Variants in TDO2 observed in about 807,000 individuals in gnomAD.
The protein encoded by TDO2 is tryptamin 2,3-dioxygenase.
In TDO2, 63 loss-of-function variants were observed where a neutral mutation model predicts 61.2. The observed-to-expected ratio is 1.03, with a 90% confidence interval of 0.84 to 1.27. TDO2 has a LOEUF of 1.27. TDO2 is among the 50% of genes most tolerant of loss of function. The probability of loss-of-function intolerance (pLI) is 0.00; values close to 1 mark genes in which losing one functional copy is unlikely to be tolerated. For synonymous variants in TDO2, 183 were observed against 164.0 expected (o/e 1.12, Z -0.89); for missense variants, 494 against 469.5 (o/e 1.05, Z -0.48).
intron 8 of TDO2, among the ~76,000 whole-genome samples, chr4:155,915,006 C>G (rs116140924): frequency 0.012 from 1,773 of 152,236 alleles, 14 homozygotes; most frequent in Non-Finnish European, 0.018. Context: ...TTCTCTCTTC[C>G]TCCCTCCTTT....
intron 9 of TDO2, 56 bp downstream of exon 9, chr4:155,915,968 C>T (rs946705510): frequency 1.6e-5 from 23 of 1,449,298 alleles, no homozygotes; most frequent in Non-Finnish European, 2.1e-5. Flanking sequence ...ATATGGATAA[C>T]ATGTCCAGTA....
rs116105292 is a variant in TDO2, at chr4:155,911,563, A to G, written c.685A>G (p.Asn229Asp). The change falls in exon 7 of 12, where the codon AAT becomes GAT. Residue 229 changes from asparagine (N) to aspartate (D), a missense_variant. Asn to Asp is a conservative substitution (Grantham distance 23). Transcript: ENST00000536354. ...GFNFWGKLEK[N>D]ITRGLEEEFI... Reference sequence around the variant, plus strand: ...TAACTTCTGGGGAAAGCTTGAAAAAAATATCACCAGAGGCCTGGAAGAGGA... The same window carrying G: ...TAACTTCTGGGGAAAGCTTGAAAAAGATATCACCAGAGGCCTGGAAGAGGA... The G allele has an allele frequency of 6.2e-7, 1 of 1,600,666 alleles. No homozygotes were observed. The highest frequency in any genetic ancestry group is 1.7e-5 in the Admixed American group (1 of 58,426).
In TDO2 at chr4:155,911,605, G is replaced by A; in HGVS notation, c.726+1G>A. ...GGAAGAGGAATTCATAAGGATTCAG[G>A]TATTTAGATGACATGAGTTAATATA... On this transcript the variant is annotated splice_donor_variant, in intron 7 of 11. Transcript: ENST00000536354. LOFTEE classifies it high-confidence loss of function. 1.3e-6 allele frequency: 2 copies of A among 1,504,144 alleles called. No homozygotes were observed. Among genetic ancestry groups the A allele is most frequent in the Non-Finnish European group, 1.8e-6 (2 of 1,112,482 alleles). 93.2% of individuals were successfully genotyped at this position (1,504,144 alleles called of 1,614,324 possible).
At position 155,905,127 on chromosome 4, in the gene TDO2, G is replaced by A; in HGVS notation, c.202G>A (p.Asp68Asn). Residue 68 changes from aspartate to asparagine, a missense_variant, in exon 3 of 12, where the codon GAT (aspartate) becomes AAT (asparagine). By Grantham distance (23) the Asp-to-Asn change is conservative. Coordinates refer to ENST00000536354, the MANE Select transcript of TDO2 (RefSeq NM_005651.4). ...QSETKGNKIH[D>N]EHLFIITHQA... ...TGAAACAAAAGGAAATAAAATCCATGATGAACATCTTTTTATCATAACTCA... is the reference window on the plus strand; with the variant it reads ...TGAAACAAAAGGAAATAAAATCCATAATGAACATCTTTTTATCATAACTCA... The A allele has an allele frequency of 6.2e-7, 1 of 1,600,884 alleles. No individual in the cohort carries two copies. The highest frequency in any genetic ancestry group is 2.3e-5 in the East Asian group (1 of 44,146).
chr4:155,915,270 CAT>C (rs1742910274), intron 8 of TDO2, among the ~76,000 whole-genome samples: 1 of 152,064 alleles, frequency 6.6e-6, no homozygotes, highest in African/African-American at 2.4e-5. Flanking sequence ...AAGTACGAAA[CAT>C]AGCAATACGT....
intron 9 of TDO2, 132 bp from the exon 10 acceptor site, chr4:155,917,263 A>G (rs1334583657): frequency 3.1e-6 from 2 of 644,520 alleles, no homozygotes; most frequent in Admixed American, 3.3e-5. Context: ...AGAATAAGCC[A>G]AAGCTGCCAC....
intron 9 of TDO2, 107 bp downstream of exon 9, chr4:155,916,019 T>C: frequency 3.2e-6 from 3 of 929,646 alleles, no homozygotes; most frequent in African/African-American, 1.7e-5. Context: ...TGCAGTAATT[T>C]AGTTTTTGTA....
At chr4:155,904,251 T>G in intron 2 of TDO2, 128 bp downstream of exon 2, 1 of 659,916 alleles carries the variant, frequency 1.5e-6, no homozygotes, top group South Asian at 2.1e-5. Context: ...CCTAAGGATA[T>G]TTTTATTCAT....
chr4:155,915,995 C>A, intron 9 of TDO2, 83 bp downstream of exon 9: 2 of 1,199,138 alleles, frequency 1.7e-6, no homozygotes, highest in Non-Finnish European at 2.4e-6. Flanking sequence ...CTAAAAATTA[C>A]AATCATAGTT....
chr4:155,919,560 G>T (rs1743005875), intron 11 of TDO2, among the ~76,000 whole-genome samples: 1 of 152,072 alleles, frequency 6.6e-6, no homozygotes, highest in African/African-American at 2.4e-5. Flanking sequence ...TTATGAAGGT[G>T]TCAGCAATAA....
At position 155,907,776 on chromosome 4, in the gene TDO2, T is replaced by A. The variant is rs759523211; in HGVS notation, c.287T>A (p.Ile96Asn). 3.1e-6 allele frequency: 5 copies of A among 1,613,134 alleles called. No homozygotes were observed. Among genetic ancestry groups the A allele is most frequent in the Admixed American group, 1.7e-5 (1 of 59,916 alleles). The stretch of plus-strand genomic sequence containing the variant: ...TGGGAGTTGGATTCTGTTCGAGAGA[T>A]CTTTCAGAATGGCCATGTAAGTTCT... The part of the protein sequence containing the change: ...ILWELDSVRE[I>N]FQNGHVRDER... The change falls in exon 4 of 12, where the codon ATC (isoleucine) becomes AAC (asparagine). Residue 96 changes from isoleucine to asparagine, a missense_variant. Ile to Asn is a moderately radical substitution (Grantham distance 149). Transcript: ENST00000536354.
At chr4:155,909,241 A>T (rs767592963) in intron 5 of TDO2, among the ~76,000 whole-genome samples, 1 of 152,208 alleles carries the variant, frequency 6.6e-6, no homozygotes, top group Non-Finnish European at 1.5e-5. Flanking sequence ...ATTTAAATTC[A>T]TCACTGTGTG....
intron 9 of TDO2, among the ~76,000 whole-genome samples, chr4:155,916,291 C>T (rs896842536): frequency 2.0e-5 from 3 of 146,568 alleles, no homozygotes; most frequent in Non-Finnish European, 4.5e-5. Flanking sequence ...CCTCAGCCTC[C>T]CGAGTAGCTG....
chr4:155,910,239 T>G, intron 6 of TDO2, 28 bp downstream of exon 6: 1 of 1,504,816 alleles, frequency 6.6e-7, no homozygotes, highest in Non-Finnish European at 8.9e-7. Flanking sequence ...TTATAAAGTT[T>G]AACTCAATAC....
At chr4:155,904,260 A>G in intron 2 of TDO2, 137 bp downstream of exon 2, 1 of 644,774 alleles carries the variant, frequency 1.6e-6, no homozygotes. Context: ...ATTTTTATTC[A>G]TAAACACTTT....
At chr4:155,911,437 T>C (rs2110874369) in intron 6 of TDO2, 60 bp from the exon 7 acceptor site, 1 of 1,303,570 alleles carries the variant, frequency 7.7e-7, no homozygotes, top group Non-Finnish European at 1.1e-6. Flanking sequence ...TACATGTCGG[T>C]TACAATGCAT....
chr4:155,907,503 A>C (rs1742739157), intron 3 of TDO2: 1 of 484,690 alleles, frequency 2.1e-6, no homozygotes, highest in Admixed American at 3.8e-5. Flanking sequence ...ATGAAGCATT[A>C]GGTAACATGT....
intron 5 of TDO2, 21 bp downstream of exon 5, chr4:155,909,035 A>T: frequency 6.3e-7 from 1 of 1,576,598 alleles, no homozygotes; most frequent in South Asian, 1.2e-5. Context: ...TTGGCATTTT[A>T]AAAAATGTGA....
intron 7 of TDO2, among the ~76,000 whole-genome samples, chr4:155,913,416 A>G (rs916689013): frequency 6.6e-6 from 1 of 152,048 alleles, no homozygotes; most frequent in Admixed American, 6.6e-5. Flanking sequence ...TTCTTCCCCA[A>G]CTAACTCCTT....
Sources: gnomAD v4.1 joint callset for allele counts (sites outside exome capture counted in the v4.1 genomes callset) on GRCh38, gnomAD v4.1.1 for gene constraint, MANE v1.5 for transcripts, NCBI Gene and HGNC (gene_info 2026-07-23, HGNC 2026-07-21) for gene names.